The following ENPP6 variants were observed in gnomAD, a reference collection of about 807,000 sequenced individuals.
ENPP6 encodes glycerophosphocholine cholinephosphodiesterase ENPP6.
In ENPP6, 32 loss-of-function variants were observed where a neutral mutation model predicts 42.0. The observed-to-expected ratio is 0.76, with a 90% CI of 0.58 to 1.02. The LOEUF is 1.02. Ranked by LOEUF, ENPP6 falls within the 50% of genes least tolerant of loss-of-function variation. ENPP6 has a pLI of 0.00. For synonymous variants in ENPP6, 213 were observed against 216.0 expected (o/e 0.99, Z 0.12); for missense variants, 552 against 566.8 (o/e 0.97, Z 0.27).
intron 1 of ENPP6, among the ~76,000 whole-genome samples, chr4:184,177,127 G>A (rs1182053968): frequency 6.6e-6 from 1 of 152,130 alleles, no homozygotes; most frequent in East Asian, 1.9e-4. Context: ...GTTCACAGGG[G>A]GAGGGGTTGC....
At chr4:184,130,407 A>G in intron 2 of ENPP6, among the ~76,000 whole-genome samples, 1 of 132,462 alleles carries the variant, frequency 7.5e-6, no homozygotes, top group Non-Finnish European at 1.6e-5. Context: ...AAACACAAAA[A>G]ATTAGCCGGG....
intron 2 of ENPP6, among the ~76,000 whole-genome samples, chr4:184,141,057 ACCCGT>A (rs1361871468): frequency 2.0e-5 from 3 of 148,760 alleles, no homozygotes; most frequent in African/African-American, 7.5e-5. Context: ...AAAACAAACA[ACCCGT>A]CAAAAAGTGG....
At position 184,129,134 on chromosome 4, in the gene ENPP6, A is replaced by G. The variant is rs144331047; in HGVS notation, c.422-4862T>C. Reference sequence around the variant, plus strand: ...ATCATCACCATGGTAATTTATTATTACTGTTCTAGAACTTCTCGAACAGGA... The same window carrying G: ...ATCATCACCATGGTAATTTATTATTGCTGTTCTAGAACTTCTCGAACAGGA... On this transcript the variant is annotated intron_variant, in intron 2 of 7. Transcript: ENST00000296741. Among the ~76,000 whole-genome samples, 299 of 152,290 alleles carry G rather than the reference A, an allele frequency of 2.0e-3. 1 individual carries two copies. The highest frequency in any genetic ancestry group is 3.4e-3 in the Middle Eastern group (1 of 294).
At chr4:184,112,485 G>A (rs866033396) in intron 6 of ENPP6, 187 bp downstream of exon 6, 110 of 686,610 alleles carry the variant, frequency 1.6e-4, no homozygotes, top group African/African-American at 1.5e-3. Context: ...CTGGGTTCGC[G>A]TCTACAGTTG....
chr4:184,214,129 T>C (rs1733160271), intron 1 of ENPP6, among the ~76,000 whole-genome samples: 1 of 143,188 alleles, frequency 7.0e-6, no homozygotes, highest in Non-Finnish European at 1.5e-5. Flanking sequence ...TTGGGAGATA[T>C]ACCTAATGCT....
chr4:184,213,303 A>T (rs1579670997), intron 1 of ENPP6, among the ~76,000 whole-genome samples: 1 of 151,322 alleles, frequency 6.6e-6, no homozygotes, highest in East Asian at 1.9e-4. Context: ...TGAACAGGCA[A>T]CCTACAAAAT....
At chr4:184,143,866 G>A (rs1194661116) in intron 2 of ENPP6, among the ~76,000 whole-genome samples, 1 of 152,226 alleles carries the variant, frequency 6.6e-6, no homozygotes, top group Non-Finnish European at 1.5e-5. Flanking sequence ...CCAGTGAAGT[G>A]CTGAAAACAC....
intron 2 of ENPP6, 108 bp downstream of exon 2, chr4:184,153,446 A>G (rs1421264871): frequency 7.9e-7 from 1 of 1,266,388 alleles, no homozygotes; most frequent in Non-Finnish European, 1.1e-6. Context: ...TTAAATAAAG[A>G]TCCCATTTTC....
At chr4:184,126,131 C>T (rs183988139) in intron 2 of ENPP6, among the ~76,000 whole-genome samples, 10 of 152,270 alleles carry the variant, frequency 6.6e-5, no homozygotes, top group African/African-American at 2.4e-4. Flanking sequence ...AGAAACGCAT[C>T]CTTTTTGGTG....
chr4:184,109,824 C>T (rs13136855), intron 6 of ENPP6, among the ~76,000 whole-genome samples: 57,867 of 151,450 alleles, frequency 0.38, 11,611 homozygotes, highest in Non-Finnish European at 0.46. Flanking sequence ...CTGATGGTCT[C>T]ACTTCTGATT....
intron 2 of ENPP6, among the ~76,000 whole-genome samples, chr4:184,132,349 G>A (rs901590087): frequency 6.6e-6 from 1 of 151,970 alleles, no homozygotes; most frequent in African/African-American, 2.4e-5. Flanking sequence ...TGACCATTGG[G>A]ATACCCAATT....
intron 1 of ENPP6, among the ~76,000 whole-genome samples, chr4:184,187,277 G>T (rs1019439075): frequency 6.6e-6 from 1 of 152,194 alleles, no homozygotes; most frequent in African/African-American, 2.4e-5. Context: ...CTTGGTCATT[G>T]GTCAGGGTCA....
In ENPP6 at chr4:184,116,861, A is replaced by T; in HGVS notation, c.850T>A (p.Ser284Thr). The T allele has an allele frequency of 1.2e-6, 2 of 1,613,408 alleles. No individual in the cohort carries two copies. Among genetic ancestry groups the T allele is most frequent in the South Asian group, 2.2e-5 (2 of 91,046 alleles). Residue 284 changes from serine (S) to threonine (T), a missense_variant, in exon 5 of 8, where the codon TCT (serine) becomes ACT (threonine). Physicochemically the swap from Ser to Thr is moderately conservative, Grantham distance 58. Coordinates refer to ENST00000296741, the MANE Select transcript of ENPP6 (RefSeq NM_153343.4). The stretch of plus-strand genomic sequence containing the variant: ...CCCCCACGGGTCTGTCTTGCCTCAG[A>T]GTGTTTCCCAGGGGCCGGCCAAAGG... ...VSLWPAPGKHSEIYNKLSTVE... is the reference protein window; with the variant it reads ...VSLWPAPGKHTEIYNKLSTVE...
intron 1 of ENPP6, among the ~76,000 whole-genome samples, chr4:184,174,605 C>T (rs938680405): frequency 4.1e-4 from 4 of 9,764 alleles, no homozygotes; most frequent in Admixed American, 2.3e-3. Flanking sequence ...GAGACTCAGA[C>T]AGGTGAAGTA....
At chr4:184,153,860 T>A (rs1169269120) in intron 1 of ENPP6, 127 bp from the exon 2 acceptor site, 3 of 1,120,806 alleles carry the variant, frequency 2.7e-6, no homozygotes, top group Non-Finnish European at 3.7e-6. Context: ...GATTTGCTTT[T>A]GACTTTAAAA....
chr4:184,092,672 A>G (rs1449732668), intron 7 of ENPP6, among the ~76,000 whole-genome samples: 6 of 152,240 alleles, frequency 3.9e-5, no homozygotes, highest in Admixed American at 6.5e-5. Context: ...GCCCCAAACC[A>G]GAGCTTGTAA....
chr4:184,185,183 G>A (rs924125245), intron 1 of ENPP6, among the ~76,000 whole-genome samples: 2 of 152,208 alleles, frequency 1.3e-5, no homozygotes, highest in Admixed American at 6.5e-5. Context: ...GAGTAGCCGG[G>A]AGTAGAACTA....
intron 2 of ENPP6, among the ~76,000 whole-genome samples, chr4:184,126,335 T>C (rs1736502308): frequency 6.6e-6 from 1 of 152,230 alleles, no homozygotes; most frequent in Non-Finnish European, 1.5e-5. Flanking sequence ...CAAACTTTTT[T>C]TTATTGATTA....
chr4:184,167,796 G>A (rs916515140), intron 1 of ENPP6, among the ~76,000 whole-genome samples: 11 of 152,292 alleles, frequency 7.2e-5, no homozygotes, highest in African/African-American at 2.6e-4. Flanking sequence ...CAGCTGGTTT[G>A]TCCTGATCAA....
Sources: allele counts gnomAD v4.1 joint callset (sites outside exome capture counted in the v4.1 genomes callset), GRCh38; gene constraint gnomAD v4.1.1; transcripts MANE v1.5; gene names NCBI Gene and HGNC (gene_info 2026-07-23, HGNC 2026-07-21).